The following PTPRD variants were observed in gnomAD, a reference collection of about 807,000 sequenced individuals.
PTPRD encodes the protein receptor-type tyrosine-protein phosphatase delta.
Under a neutral mutation model 214.5 loss-of-function variants are expected in PTPRD, and 34 were observed. The observed-to-expected ratio is 0.16, with a 90% CI of 0.12 to 0.21. PTPRD has a LOEUF of 0.21. PTPRD is among the 10% of genes least tolerant of loss of function. The probability of loss-of-function intolerance (pLI) is 1.00; values close to 1 mark genes in which losing one functional copy is unlikely to be tolerated. For synonymous variants in PTPRD, 1,128 were observed against 845.7 expected, an observed-to-expected ratio of 1.33 and a Z score of -5.79; for missense variants, 2,545 against 2,398.7, an observed-to-expected ratio of 1.06 and a Z score of -1.27.
At chr9:8,969,145 C>A (rs1487166135) in intron 11 of PTPRD, among the ~76,000 whole-genome samples, 1 of 152,050 alleles carries the variant, frequency 6.6e-6, no homozygotes, top group East Asian at 1.9e-4. Flanking sequence ...TGCCCAAATT[C>A]ATATCGTTAG....
In PTPRD at chr9:8,733,939, T is replaced by C. The variant is rs2098688906; in HGVS notation, c.-96A>G. ...GATCTGAAATTTCAGCTGGAACACT[T>C]TCAGAGCCTGAAAGCGGGGAGGAAG... On this transcript the variant is annotated 5_prime_UTR_variant, in exon 12 of 46. Transcript: ENST00000381196. 8.0e-7 allele frequency: 1 copy of C among 1,255,694 alleles called. No individual in the cohort carries two copies. The highest frequency in any genetic ancestry group is 1.5e-5 in the African/African-American group (1 of 67,598). The allele number at this position is 1,255,694 out of a possible 1,614,324, so 77.8% of individuals were successfully genotyped here. A position where few individuals can be genotyped will look rare whatever the true frequency, so the allele number is the denominator to read the frequency against.
At chr9:10,061,611 C>T (rs1435233959) in intron 3 of PTPRD, among the ~76,000 whole-genome samples, 1 of 151,998 alleles carries the variant, frequency 6.6e-6, no homozygotes, top group African/African-American at 2.4e-5. Context: ...CCCACCATGT[C>T]ATTTAATAAA....
intron 9 of PTPRD, among the ~76,000 whole-genome samples, chr9:9,331,109 G>C (rs2042146030): frequency 6.6e-6 from 1 of 152,080 alleles, no homozygotes; most frequent in Non-Finnish European, 1.5e-5. Flanking sequence ...GTATGAGACA[G>C]TTTCAAGGAC....
At chr9:8,973,060 G>A (rs1589131616) in intron 11 of PTPRD, among the ~76,000 whole-genome samples, 1 of 151,462 alleles carries the variant, frequency 6.6e-6, no homozygotes. Flanking sequence ...AGAAGTATGT[G>A]CATTATGATT....
chr9:9,340,764 A>G (rs1231383571), intron 9 of PTPRD, among the ~76,000 whole-genome samples: 1 of 152,240 alleles, frequency 6.6e-6, no homozygotes, highest in Non-Finnish European at 1.5e-5. Context: ...AGTCAATGGT[A>G]GCTATGCGAA....
intron 2 of PTPRD, among the ~76,000 whole-genome samples, chr9:10,450,169 C>T (rs879291299): frequency 1.1e-4 from 17 of 151,700 alleles, no homozygotes; most frequent in Non-Finnish European, 1.9e-4. Context: ...ATCTGATGAC[C>T]TTCCCTCCAC....
At chr9:9,818,034 G>T (rs947095853) in intron 5 of PTPRD, among the ~76,000 whole-genome samples, 1 of 152,124 alleles carries the variant, frequency 6.6e-6, no homozygotes, top group Non-Finnish European at 1.5e-5. Flanking sequence ...TTAATATGTT[G>T]TATGTAACTT....
rs60964311 is a variant in PTPRD at position 9,897,131 on chromosome 9, TACACACAC to T, written c.-368+41368_-368+41375del. Among the ~76,000 whole-genome samples the T allele has an allele frequency of 7.0e-4, 104 of 148,376 alleles. 1 individual carries two copies. Among genetic ancestry groups the T allele is most frequent in the East Asian group, 1.0e-3 (5 of 4,980 alleles). On this transcript the variant is annotated intron_variant, in intron 5 of 45. Coordinates refer to ENST00000381196, the MANE Select transcript of PTPRD (RefSeq NM_002839.4). ...TTAAAACAAAAACATCTCTTACACTTACACACACACACACACACACACACACACACCGC... is the reference window on the plus strand; with the variant it reads ...TTAAAACAAAAACATCTCTTACACTTACACACACACACACACACACACCGC...
At chr9:9,678,533 G>T (rs370121067) in intron 7 of PTPRD, among the ~76,000 whole-genome samples, 1 of 151,626 alleles carries the variant, frequency 6.6e-6, no homozygotes, top group African/African-American at 2.4e-5. Context: ...AAAATCCTTC[G>T]TATTTTTATT....
chr9:9,079,762 T>C (rs183579965), intron 10 of PTPRD, among the ~76,000 whole-genome samples: 381 of 152,168 alleles, frequency 2.5e-3, no homozygotes, highest in Admixed American at 4.8e-3. Flanking sequence ...TATGCACTTA[T>C]GTACTTTAAG....
chr9:10,434,167 G>A (rs560031438), intron 2 of PTPRD, among the ~76,000 whole-genome samples: 1 of 151,770 alleles, frequency 6.6e-6, no homozygotes, highest in East Asian at 2.0e-4. Flanking sequence ...TTCAAATTTA[G>A]TTGACTCTCT....
At chr9:8,714,382 T>C (rs953830679) in intron 12 of PTPRD, among the ~76,000 whole-genome samples, 2 of 152,320 alleles carry the variant, frequency 1.3e-5, no homozygotes, top group East Asian at 1.9e-4. Context: ...ACTAGTCATA[T>C]TCCTTTGAGC....
chr9:8,442,669 T>C (rs1415733506), intron 34 of PTPRD, among the ~76,000 whole-genome samples: 1 of 152,188 alleles, frequency 6.6e-6, no homozygotes, highest in African/African-American at 2.4e-5. Flanking sequence ...ATATTTGTCA[T>C]ATTTTTGACA....
chr9:9,035,340 A>G (rs1306293258), intron 10 of PTPRD, among the ~76,000 whole-genome samples: 1 of 152,026 alleles, frequency 6.6e-6, no homozygotes, highest in Admixed American at 6.6e-5. Context: ...TCTTTTTGAA[A>G]TGTATCTTTC....
chr9:9,352,982 T>G (rs1031618922), intron 9 of PTPRD, among the ~76,000 whole-genome samples: 4 of 151,872 alleles, frequency 2.6e-5, no homozygotes, highest in African/African-American at 4.8e-5. Flanking sequence ...CTGCTTGGTG[T>G]TGTTGTATCT....
At chr9:10,403,367 C>A (rs1587380060) in intron 2 of PTPRD, among the ~76,000 whole-genome samples, 2 of 149,440 alleles carry the variant, frequency 1.3e-5, no homozygotes, top group East Asian at 4.0e-4. Context: ...TTAAACCATG[C>A]TTTAACTATT....
At chr9:10,121,369 T>G (rs2098773982) in intron 3 of PTPRD, among the ~76,000 whole-genome samples, 2 of 152,146 alleles carry the variant, frequency 1.3e-5, no homozygotes, top group Admixed American at 6.6e-5. Context: ...CTAATTACAT[T>G]TTGCTTAGGC....
intron 2 of PTPRD, chr9:10,532,339 T>C (rs1311826165): frequency 2.6e-5 from 4 of 153,736 alleles, no homozygotes; most frequent in African/African-American, 7.3e-5. Context: ...GTTGTAGTCA[T>C]GTAGTAGTTA....
At chr9:8,911,029 A>C (rs2098743209) in intron 11 of PTPRD, among the ~76,000 whole-genome samples, 3 of 152,238 alleles carry the variant, frequency 2.0e-5, no homozygotes, top group Non-Finnish European at 4.4e-5. Context: ...GTTCAAACTT[A>C]TCTGTAGATT....
Sources: allele counts gnomAD v4.1 joint callset (sites outside exome capture counted in the v4.1 genomes callset), GRCh38; gene constraint gnomAD v4.1.1; transcripts MANE v1.5; gene names NCBI Gene and HGNC (gene_info 2026-07-23, HGNC 2026-07-21).